The following XAF1 variants were observed in gnomAD, a reference collection of about 807,000 sequenced individuals.
The protein encoded by XAF1 is XIAP associated factor 1, also known as XIAP-associated factor 1.
In XAF1, 32 loss-of-function variants were observed where a neutral mutation model predicts 32.3. The ratio of observed to expected loss-of-function variants is 0.99; its 90% confidence interval spans 0.75 to 1.33. XAF1 has a LOEUF of 1.33. XAF1 is among the 40% of genes most tolerant of loss of function. The probability of loss-of-function intolerance (pLI) is 0.00; values close to 1 mark genes in which losing one functional copy is unlikely to be tolerated. For synonymous variants in XAF1, 120 were observed against 125.9 expected (o/e 0.95, Z 0.31); for missense variants, 379 against 366.0 (o/e 1.04, Z -0.29).
In XAF1 at chr17:6,770,616, A is replaced by T. The variant is rs781441289; in HGVS notation, c.508-27A>T. ...ACCATTAAAGCTGAAGTCATTTTAA[A>T]ATTTGATATATTATTCACAATTGCA... On this transcript the variant is annotated intron_variant, in intron 5 of 6. Coordinates refer to ENST00000361842, the MANE Select transcript of XAF1 (RefSeq NM_017523.5). 5.2e-6 allele frequency: 8 copies of T among 1,525,498 alleles called. No homozygotes were observed. The Admixed American group carries it at 1.8e-4, about 34-fold the overall frequency. The allele number at this position is 1,525,498 out of a possible 1,614,324, so 94.5% of individuals were successfully genotyped here.
At chr17:6,758,287 G>A in intron 2 of XAF1, 63 bp downstream of exon 2, 1 of 1,590,294 alleles carries the variant, frequency 6.3e-7, no homozygotes, top group Non-Finnish European at 8.6e-7. Context: ...CCTCCCTGCA[G>A]GTGAGATGGG....
chr17:6,771,220 G>A (rs1976011726), intron 6 of XAF1: 2 of 447,856 alleles, frequency 4.5e-6, no homozygotes, highest in East Asian at 7.4e-5. Context: ...TGAAGGTAGA[G>A]CCAGGTCCCT....
At chr17:6,762,939 A>G (rs1975329315) in intron 5 of XAF1, among the ~76,000 whole-genome samples, 1 of 152,232 alleles carries the variant, frequency 6.6e-6, no homozygotes, top group Admixed American at 6.5e-5. Flanking sequence ...TAAAGAAACC[A>G]TAGAGACGAT....
intron 5 of XAF1, among the ~76,000 whole-genome samples, chr17:6,764,910 C>G (rs1342802196): frequency 6.6e-6 from 1 of 152,166 alleles, no homozygotes. Flanking sequence ...TTATGGGAAG[C>G]ATTTACTGCT....
rs889556237 is a variant in XAF1 at position 6,760,147 on chromosome 17, A to T, written c.226-259A>T. Among the ~76,000 whole-genome samples the T allele has an allele frequency of 3.1e-4, 47 of 152,134 alleles. 1 individual carries two copies. Among genetic ancestry groups the T allele is most frequent in the African/African-American group, 1.0e-3 (43 of 41,506 alleles). On this transcript the variant is annotated intron_variant, in intron 3 of 6. Transcript: ENST00000361842. ...GGTGGATCACGAGGTCAGGAGTTCG[A>T]GACCAGCCTGACCAACATGGTGAAA...
rs1218640127 is a variant in XAF1 at position 6,770,701 on chromosome 17, T to C, written c.566T>C (p.Ile189Thr). 1.9e-6 allele frequency: 3 copies of C among 1,610,714 alleles called. No homozygotes were observed. The highest frequency in any genetic ancestry group is 1.7e-6 in the Non-Finnish European group (2 of 1,179,230). ...CACTTTCCTGTTGGAAATCCAGAAATTCTTCCTTCATCTCTTCCAAGTCAA... is the reference window on the plus strand; with the variant it reads ...CACTTTCCTGTTGGAAATCCAGAAACTCTTCCTTCATCTCTTCCAAGTCAA... ...KKHFPVGNPE[I>T]LPSSLPSQAA... The change falls in exon 6 of 7, where the codon ATT becomes ACT. Residue 189 changes from isoleucine (I) to threonine (T), a missense_variant. Physicochemically the swap from Ile to Thr is moderately conservative, Grantham distance 89. Coordinates refer to ENST00000361842, the MANE Select transcript of XAF1 (RefSeq NM_017523.5).
Position 6,773,405 on chromosome 17 carries a change from C to T in XAF1, c.*236C>T, listed in dbSNP as rs1053586871. The T allele has an allele frequency of 3.0e-5, 13 of 434,002 alleles. No individual in the cohort carries two copies. Among genetic ancestry groups the T allele is most frequent in the South Asian group, 1.5e-4 (5 of 34,012 alleles). The allele number at this position is 434,002 out of a possible 1,614,324, so 26.9% of individuals were successfully genotyped here. On this transcript the variant is annotated 3_prime_UTR_variant, in exon 7 of 7. Coordinates refer to ENST00000361842, the MANE Select transcript of XAF1 (RefSeq NM_017523.5). ...TAAAAACCCTCAACAAACCAGGCGT[C>T]GAAGGAACATACCTCAAAATAATAA...
At chr17:6,769,053 ACT>A (rs1352941059) in intron 5 of XAF1, among the ~76,000 whole-genome samples, 4 of 148,194 alleles carry the variant, frequency 2.7e-5, no homozygotes, top group African/African-American at 1.0e-4. Context: ...TTTTTTCATG[ACT>A]CTCCTTTTTT....
In XAF1 at chr17:6,770,855, T is replaced by C; in HGVS notation, c.720T>C (p.Asp240=). The C allele has an allele frequency of 6.2e-7, 1 of 1,614,018 alleles. No individual in the cohort carries two copies. The highest frequency in any genetic ancestry group is 8.5e-7 in the Non-Finnish European group (1 of 1,179,940). The stretch of plus-strand genomic sequence containing the variant: ...CAAGAAGCAAAAACAAAACCTTGGA[T>C]CCACTTTTGATGTCAGAGCCCAAGC... ...KAPRSKNKTL[D]PLLMSEPKPR... The change falls in exon 6 of 7, where the codon GAT becomes GAC. Residue 240 remains aspartate (D), a synonymous_variant. Coordinates refer to ENST00000361842, the MANE Select transcript of XAF1 (RefSeq NM_017523.5).
At chr17:6,757,162 C>T (rs757328363) in intron 1 of XAF1, among the ~76,000 whole-genome samples, 10 of 152,048 alleles carry the variant, frequency 6.6e-5, no homozygotes, top group Non-Finnish European at 1.2e-4. Context: ...CCGCCATGCC[C>T]GGCTAATTTT....
At chr17:6,767,596 G>A (rs1480949566) in intron 5 of XAF1, among the ~76,000 whole-genome samples, 1 of 152,140 alleles carries the variant, frequency 6.6e-6, no homozygotes, top group African/African-American at 2.4e-5. Context: ...AAGATATCCT[G>A]TTATTTCACC....
intron 5 of XAF1, among the ~76,000 whole-genome samples, chr17:6,765,880 T>C (rs534399883): frequency 2.1e-4 from 32 of 152,334 alleles, no homozygotes; most frequent in African/African-American, 7.5e-4. Context: ...CTGTACTGAT[T>C]CTTGCCCCAT....
At chr17:6,764,459 G>C (rs1488492007) in intron 5 of XAF1, among the ~76,000 whole-genome samples, 1 of 152,090 alleles carries the variant, frequency 6.6e-6, no homozygotes, top group Non-Finnish European at 1.5e-5. Context: ...TGTACACGCA[G>C]GTAACAACAA....
At chr17:6,764,610 T>C (rs1975454533) in intron 5 of XAF1, among the ~76,000 whole-genome samples, 1 of 152,238 alleles carries the variant, frequency 6.6e-6, no homozygotes. Flanking sequence ...AAATCATGTA[T>C]ACTAGGTGGT....
chr17:6,767,866 TA>T (rs1975733657), intron 5 of XAF1, among the ~76,000 whole-genome samples: 1 of 152,188 alleles, frequency 6.6e-6, no homozygotes, highest in African/African-American at 2.4e-5. Context: ...ATCATTTCAA[TA>T]GTTACCCTTA....
At chr17:6,758,300 C>G in intron 2 of XAF1, 76 bp downstream of exon 2, 1 of 1,577,676 alleles carries the variant, frequency 6.3e-7, no homozygotes, top group Non-Finnish European at 8.6e-7. Flanking sequence ...GAGATGGGGT[C>G]TGAGAGTTGG....
chr17:6,760,258 G>T, intron 3 of XAF1, 148 bp from the exon 4 acceptor site: 2 of 730,832 alleles, frequency 2.7e-6, no homozygotes, highest in Non-Finnish European at 4.3e-6. Context: ...TGAGGCAGGA[G>T]AATTGCTTGA....
At chr17:6,768,861 C>G (rs1239208566) in intron 5 of XAF1, among the ~76,000 whole-genome samples, 1 of 152,140 alleles carries the variant, frequency 6.6e-6, no homozygotes, top group Non-Finnish European at 1.5e-5. Flanking sequence ...TTGCTTTTCT[C>G]CTGCTCAGGA....
chr17:6,764,122 C>A (rs1426071019), intron 5 of XAF1, among the ~76,000 whole-genome samples: 1 of 152,186 alleles, frequency 6.6e-6, no homozygotes. Flanking sequence ...TTCTGCTGTG[C>A]CCCTTACTGG....
Sources: allele counts gnomAD v4.1 joint callset (sites outside exome capture counted in the v4.1 genomes callset), GRCh38; gene constraint gnomAD v4.1.1; transcripts MANE v1.5; gene names NCBI Gene and HGNC (gene_info 2026-07-23, HGNC 2026-07-21).